The following SLC5A6 variants were observed in gnomAD, a reference collection of about 807,000 sequenced individuals.
SLC5A6 encodes sodium-dependent multivitamin transporter.
In SLC5A6, 31 loss-of-function variants were observed where a neutral mutation model predicts 67.9. The ratio of observed to expected loss-of-function variants is 0.46; its 90% CI spans 0.34 to 0.62. The LOEUF (loss-of-function observed/expected upper bound fraction) is 0.62. Ranked by LOEUF, SLC5A6 falls within the 20% of genes least tolerant of loss-of-function variation. The pLI, the probability that SLC5A6 is intolerant of heterozygous loss-of-function variation, is 0.01. For synonymous variants in SLC5A6, 343 were observed against 331.0 expected (o/e 1.04, Z -0.39); for missense variants, 673 against 812.8 (o/e 0.83, Z 2.09).
chr2:27,212,512 C>T (rs1317925433), upstream of SLC5A6: 1 of 1,523,434 alleles, frequency 6.6e-7, no homozygotes, highest in Admixed American at 2.3e-5. Context: ...GGTCGCTGGC[C>T]AGCCGTGCGT....
At chr2:27,211,966 C>CCCCGCCCCCTGCCCGCCCCATG (rs1674555139) in intron 1 of SLC5A6, 54 bp downstream of exon 1, 2 of 470,972 alleles carry the variant, frequency 4.2e-6, no homozygotes, top group Non-Finnish European at 7.2e-6. Context: ...CCCGCGGGGG[C>CCCCGCCCCCTGCCCGCCCCATG]CCCGCCCCCT....
chr2:27,203,913 T>C, intron 9 of SLC5A6, 46 bp from the exon 10 acceptor site: 1 of 1,434,102 alleles, frequency 7.0e-7, no homozygotes, highest in African/African-American at 1.4e-5. Context: ...AGAGGGGTCT[T>C]CCCAGGGCCG....
rs1673897547 is a variant in SLC5A6 at position 27,204,463 on chromosome 2, G to A, written c.1003C>T (p.Gln335Ter). 1 of 1,612,416 alleles carries A rather than the reference G, an allele frequency of 6.2e-7. No homozygotes were observed. Among genetic ancestry groups the A allele is most frequent in the Non-Finnish European group, 8.5e-7 (1 of 1,179,160 alleles). ...SIQQAQAAPD[Q>*]FVLYFVMDLL... ...GGAACAGAACAGCGCCTTCTCACCT[G>A]GTCTGGGGCTGCCTGAGCCTGCTGA... The change falls in exon 9 of 17, where the codon CAG becomes TAG. Residue 335 changes from glutamine (Q) to a stop codon, truncating the protein, a stop_gained and splice_region_variant. Transcript: ENST00000310574. LOFTEE classifies it high-confidence loss of function.
chr2:27,202,922 TA>T, intron 11 of SLC5A6, 42 bp from the exon 12 acceptor site: 2 of 1,608,228 alleles, frequency 1.2e-6, no homozygotes, highest in Non-Finnish European at 1.7e-6. Context: ...AGGTGTGAGT[TA>T]ACACAAGCAA....
At position 27,200,690 on chromosome 2, in the gene SLC5A6, C is replaced by A. The variant is rs147798014; in HGVS notation, c.1765-111G>T. 73 of 948,708 alleles carry A rather than the reference C, an allele frequency of 7.7e-5. 1 individual carries two copies. The highest frequency in any genetic ancestry group is 9.8e-5 in the Non-Finnish European group (66 of 670,670). The allele number at this position is 948,708 out of a possible 1,614,324, so 58.8% of individuals were successfully genotyped here. ...GAAGGGAGCCCAGCAAGGCTGGGTT[C>A]GGGAGGGAGAGCAGGGGGAAAAGAG... On this transcript the variant is annotated intron_variant, in intron 16 of 16. Coordinates refer to ENST00000310574, the MANE Select transcript of SLC5A6 (RefSeq NM_021095.4).
intron 12 of SLC5A6, among the ~76,000 whole-genome samples, chr2:27,202,539 C>T (rs1464106012): frequency 1.4e-5 from 2 of 138,634 alleles, no homozygotes; most frequent in African/African-American, 2.6e-5. Context: ...CTCCAGAGGG[C>T]AGGAAAGGCT....
chr2:27,208,208 GC>G (rs1674216397), intron 2 of SLC5A6, among the ~76,000 whole-genome samples: 1 of 152,170 alleles, frequency 6.6e-6, no homozygotes, highest in Admixed American at 6.5e-5. Flanking sequence ...GAGACTAATG[GC>G]AGCAGGGCTT....
chr2:27,203,851 A>T lies in SLC5A6; in HGVS notation c.1022T>A (p.Val341Glu), dbSNP rs763739301. 1 of 1,614,016 alleles carries T rather than the reference A, an allele frequency of 6.2e-7. No homozygotes were observed. The highest frequency in any genetic ancestry group is 8.5e-7 in the Non-Finnish European group (1 of 1,179,896). The stretch of plus-strand genomic sequence containing the variant: ...TGGCAGGCCCTTCAGGAGATCCATC[A>T]CAAAGTACAGGACGAACTGCAAGCA... ...AAPDQFVLYF[V>E]MDLLKGLPGL... The change falls in exon 10 of 17, where the codon GTG (valine) becomes GAG (glutamate). Residue 341 changes from valine (V) to glutamate (E), a missense_variant. By Grantham distance (121) the Val-to-Glu change is moderately radical. Coordinates refer to ENST00000310574, the MANE Select transcript of SLC5A6 (RefSeq NM_021095.4).
intron 13 of SLC5A6, 39 bp from the exon 14 acceptor site, chr2:27,201,886 C>G: frequency 6.2e-7 from 1 of 1,612,064 alleles, no homozygotes; most frequent in Non-Finnish European, 8.5e-7. Context: ...AAGGCCAGTC[C>G]TGCCAGCCCT....
chr2:27,202,803 T>C lies in SLC5A6; in HGVS notation c.1275+10A>G, dbSNP rs201290671. On this transcript the variant is annotated intron_variant, in intron 12 of 16. Coordinates refer to ENST00000310574, the MANE Select transcript of SLC5A6 (RefSeq NM_021095.4). ...CCTTAAAATTGCTTCCTACCCTCTA[T>C]AGTTATTACCTGCAGCACAGGTCCC... The C allele has an allele frequency of 2.8e-5, 45 of 1,611,352 alleles. No homozygotes were observed. Among genetic ancestry groups the C allele is most frequent in the Admixed American group, 2.7e-4 (16 of 59,970 alleles).
chr2:27,200,256 T>G lies in SLC5A6; in HGVS notation c.*180A>C, dbSNP rs987042331. 9.6e-6 allele frequency: 5 copies of G among 522,364 alleles called. No individual in the cohort carries two copies. The highest frequency in any genetic ancestry group is 3.9e-5 in the African/African-American group (2 of 51,838). The allele number at this position is 522,364 out of a possible 1,614,324, so 32.4% of individuals were successfully genotyped here. A position where few individuals can be genotyped will look rare whatever the true frequency, so the allele number is the denominator to read the frequency against. On this transcript the variant is annotated 3_prime_UTR_variant, in exon 17 of 17. Coordinates refer to ENST00000310574, the MANE Select transcript of SLC5A6 (RefSeq NM_021095.4). ...GCGACGAGAAAAACGGTGCCTCACA[T>G]GCTTGAGATGTGACAGCTTCTCCTG...
At chr2:27,211,971 C>T in intron 1 of SLC5A6, 49 bp downstream of exon 1, 1 of 528,174 alleles carries the variant, frequency 1.9e-6, no homozygotes, top group Non-Finnish European at 3.1e-6. Context: ...GGGGGCCCCG[C>T]CCCCTGCCCG....
upstream of SLC5A6, chr2:27,212,343 G>C: frequency 2.6e-6 from 4 of 1,549,554 alleles, no homozygotes; most frequent in Non-Finnish European, 3.5e-6. Context: ...GGTCGCGCGA[G>C]CAGCGGAGCA....
chr2:27,200,320 G>A lies in SLC5A6; in HGVS notation c.*116C>T, dbSNP rs55786105. On this transcript the variant is annotated 3_prime_UTR_variant, in exon 17 of 17. Transcript: ENST00000310574. ...CTCAGAACAAGGTCCTTTGGTATGA[G>A]CTAGATCATCCAGGCCTGTCCCTGC... The A allele has an allele frequency of 5.6e-4, 587 of 1,046,380 alleles. 5 individuals are homozygous for A. In the African/African-American group the frequency reaches 8.5e-3, roughly 15 times the overall value. 64.8% of individuals were successfully genotyped at this position (1,046,380 alleles called of 1,614,324 possible).
chr2:27,206,999 A>G (rs1374133664), intron 3 of SLC5A6, 57 bp from the exon 4 acceptor site: 1 of 1,418,212 alleles, frequency 7.1e-7, no homozygotes, highest in African/African-American at 1.4e-5. Flanking sequence ...ACTCACAGAC[A>G]AATTCCCTCA....
chr2:27,203,764 C>T lies in SLC5A6; in HGVS notation c.1094+15G>A, dbSNP rs377712373. The T allele has an allele frequency of 2.8e-5, 45 of 1,603,612 alleles. No individual in the cohort carries two copies. Among genetic ancestry groups the T allele is most frequent in the African/African-American group, 1.6e-4 (12 of 74,696 alleles). ...CAGGTGCACCAGGCCTGAGGGAAAT[C>T]GTTAAAGTGGGTACCTGAGAGAGCC... On this transcript the variant is annotated intron_variant, in intron 10 of 16. Transcript: ENST00000310574.
rs778679890 is a variant in SLC5A6, at chr2:27,206,540, G to A, written c.460-6C>T. 269 of 1,613,718 alleles carry A rather than the reference G, an allele frequency of 1.7e-4. 1 individual carries two copies. Among genetic ancestry groups the A allele is most frequent in the Non-Finnish European group, 1.2e-5 (14 of 1,179,768 alleles). On this transcript the variant is annotated splice_region_variant and splice_polypyrimidine_tract_variant and intron_variant, in intron 4 of 16. Transcript: ENST00000310574. ...ACAACTCCCATGTAGATCACCTGTT[G>A]CATGTGGAAAAAATGTGATGGGGGC... is the stretch of plus-strand genomic sequence containing the variant.
At chr2:27,205,597 T>C in intron 6 of SLC5A6, 93 bp from the exon 7 acceptor site, 1 of 1,493,806 alleles carries the variant, frequency 6.7e-7, no homozygotes, top group Non-Finnish European at 9.3e-7. Flanking sequence ...TTTTGTTTTG[T>C]TTTGTTTTGT....
chr2:27,205,947 C>G (rs1275526), intron 6 of SLC5A6, 79 bp downstream of exon 6: 998,634 of 1,097,882 alleles, frequency 0.91, 460,805 homozygotes, highest in East Asian at 1. Context: ...CTCAGCTTAT[C>G]TCTTCTTTTC....
Sources: allele counts gnomAD v4.1 joint callset (sites outside exome capture counted in the v4.1 genomes callset), GRCh38; gene constraint gnomAD v4.1.1; transcripts MANE v1.5; gene names NCBI Gene and HGNC (gene_info 2026-07-23, HGNC 2026-07-21).